RAB3GAP1: variants seen among roughly 807,000 people sequenced by gnomAD.
RAB3GAP1 encodes the protein rab3 GTPase-activating protein catalytic subunit.
In RAB3GAP1, 86 loss-of-function variants were observed where a neutral mutation model predicts 130.7. The observed-to-expected ratio is 0.66, with a 90% CI of 0.55 to 0.79. The LOEUF is 0.79. RAB3GAP1 is among the 30% of genes least tolerant of loss of function. RAB3GAP1 has a pLI of 0.00. For missense variants in RAB3GAP1, 1,029 were observed against 1,169.4 expected (o/e 0.88, Z 1.75); for synonymous variants, 367 against 401.7 (o/e 0.91, Z 1.03).
chr2:135,096,483 AAAAG>A (rs1473089748), intron 5 of RAB3GAP1, among the ~76,000 whole-genome samples: 3 of 152,228 alleles, frequency 2.0e-5, no homozygotes, highest in African/African-American at 7.2e-5. Flanking sequence ...AAACAACTAA[AAAAG>A]AAATGTAATA....
intron 7 of RAB3GAP1, among the ~76,000 whole-genome samples, chr2:135,116,210 A>T (rs557792289): frequency 1.3e-5 from 2 of 152,330 alleles, no homozygotes; most frequent in African/African-American, 4.8e-5. Context: ...CTTAAGTGAG[A>T]TAGTGGCAGC....
At chr2:135,087,588 G>C (rs756424524) in intron 3 of RAB3GAP1, among the ~76,000 whole-genome samples, 1 of 151,982 alleles carries the variant, frequency 6.6e-6, no homozygotes, top group Non-Finnish European at 1.5e-5. Context: ...TAGAGTTTTT[G>C]CTCATCTTTC....
At chr2:135,163,904 A>G (rs1287047013) in intron 22 of RAB3GAP1, among the ~76,000 whole-genome samples, 1 of 152,170 alleles carries the variant, frequency 6.6e-6, no homozygotes, top group Non-Finnish European at 1.5e-5. Flanking sequence ...TGTTAGGTGA[A>G]GTTTTCTCCC....
chr2:135,129,895 T>C, intron 11 of RAB3GAP1, 100 bp from the exon 12 acceptor site: 1 of 794,026 alleles, frequency 1.3e-6, no homozygotes, highest in Non-Finnish European at 2.1e-6. Flanking sequence ...TTCTACCATA[T>C]CTTAGTTAAT....
chr2:135,152,293 A>C (rs983572455), intron 18 of RAB3GAP1, among the ~76,000 whole-genome samples: 140 of 152,346 alleles, frequency 9.2e-4, no homozygotes, highest in African/African-American at 3.2e-3. Flanking sequence ...CTTGTGGTAC[A>C]TACCTTTAAC....
intron 5 of RAB3GAP1, among the ~76,000 whole-genome samples, chr2:135,098,642 A>G (rs1219688024): frequency 1.3e-5 from 2 of 152,182 alleles, no homozygotes; most frequent in Non-Finnish European, 2.9e-5. Context: ...GGCCTGTAAT[A>G]TTCTTTCCAA....
rs1257598911 is a variant in RAB3GAP1, at chr2:135,169,930, A to G, written c.*1149A>G. The G allele has an allele frequency of 6.4e-6, 2 of 312,728 alleles. No homozygotes were observed. Among genetic ancestry groups the G allele is most frequent in the African/African-American group, 2.2e-5 (1 of 45,630 alleles). 19.4% of individuals were successfully genotyped at this position (312,728 alleles called of 1,614,324 possible). On this transcript the variant is annotated 3_prime_UTR_variant, in exon 24 of 24. Transcript: ENST00000264158. ...ACTGAAGCATAAACCTTGCCTGTGT[A>G]ATTTTAAAAAATTAATAGAGCTGTG...
chr2:135,113,417 C>A, intron 6 of RAB3GAP1, 147 bp downstream of exon 6: 1 of 1,008,410 alleles, frequency 9.9e-7, no homozygotes, highest in Non-Finnish European at 1.5e-6. Context: ...CTTGAGGTTA[C>A]CTCTGTATCC....
At chr2:135,095,136 C>T (rs1690256000) in intron 5 of RAB3GAP1, among the ~76,000 whole-genome samples, 1 of 152,134 alleles carries the variant, frequency 6.6e-6, no homozygotes, top group East Asian at 1.9e-4. Context: ...GCAACCTCTG[C>T]CTCCCAGGTT....
intron 7 of RAB3GAP1, among the ~76,000 whole-genome samples, chr2:135,118,029 T>G (rs1183498083): frequency 6.6e-6 from 1 of 152,048 alleles, no homozygotes; most frequent in Non-Finnish European, 1.5e-5. Context: ...ATCTTTGTAT[T>G]TTTTGTAGAG....
rs1053181755 is a variant in RAB3GAP1, at chr2:135,130,601, A to C, written c.1116A>C (p.Ser372=). The C allele has an allele frequency of 6.2e-7, 1 of 1,613,890 alleles. No homozygotes were observed. The highest frequency in any genetic ancestry group is 2.2e-5 in the East Asian group (1 of 44,856). The change falls in exon 13 of 24, where the codon TCA becomes TCC. Residue 372 remains serine, a synonymous_variant. Transcript: ENST00000264158. The part of the protein sequence containing the change: ...HALSKLTEPA[S]VPIHKLSVSN... ...TGTCAAAATTGACAGAGCCGGCATC[A>C]GTTCCAATTCATAAATTATCAGTTT...
chr2:135,115,343 C>G lies in RAB3GAP1; in HGVS notation c.610C>G (p.His204Asp). The change falls in exon 7 of 24, where the codon CAC becomes GAC. Residue 204 changes from histidine (H) to aspartate (D), a missense_variant. Coordinates refer to ENST00000264158, the MANE Select transcript of RAB3GAP1 (RefSeq NM_012233.3). Reference protein sequence around the residue: ...HLRKVPNQYTHLSGLLDIFKS... With the variant: ...HLRKVPNQYTDLSGLLDIFKS... ...TAGAAAAGTGCCAAATCAGTACACT[C>G]ACTTATCAGGTCTGCTGGATATCTT... 1 of 1,613,716 alleles carries G rather than the reference C, an allele frequency of 6.2e-7. No individual in the cohort carries two copies. The highest frequency in any genetic ancestry group is 8.5e-7 in the Non-Finnish European group (1 of 1,179,696).
At chr2:135,100,039 G>A (rs1377849514) in intron 5 of RAB3GAP1, among the ~76,000 whole-genome samples, 1 of 152,072 alleles carries the variant, frequency 6.6e-6, no homozygotes, top group Non-Finnish European at 1.5e-5. Flanking sequence ...GTTTCTGGGT[G>A]TAGACTTATT....
intron 17 of RAB3GAP1, chr2:135,137,209 G>A (rs192742443): frequency 7.2e-6 from 3 of 414,908 alleles, no homozygotes; most frequent in East Asian, 7.2e-5. Context: ...TGATACCTAC[G>A]ATGGCTTTTT....
At chr2:135,112,205 A>T (rs1049040492) in intron 5 of RAB3GAP1, among the ~76,000 whole-genome samples, 2 of 152,180 alleles carry the variant, frequency 1.3e-5, no homozygotes, top group Non-Finnish European at 2.9e-5. Context: ...CTGTAATATG[A>T]TGATGAAACC....
intron 18 of RAB3GAP1, among the ~76,000 whole-genome samples, chr2:135,152,118 A>G (rs1692194648): frequency 6.6e-6 from 1 of 152,270 alleles, no homozygotes; most frequent in African/African-American, 2.4e-5. Flanking sequence ...TTAAGGAAAT[A>G]TGTAGTTATT....
intron 19 of RAB3GAP1, among the ~76,000 whole-genome samples, chr2:135,160,542 C>G (rs60684123): frequency 0.045 from 6,870 of 151,676 alleles, 534 homozygotes; most frequent in African/African-American, 0.16. Flanking sequence ...CAGTAGTGGC[C>G]ATGTGCCTGT....
intron 17 of RAB3GAP1, among the ~76,000 whole-genome samples, chr2:135,139,694 T>C (rs1337888643): frequency 6.6e-6 from 1 of 152,206 alleles, no homozygotes; most frequent in Non-Finnish European, 1.5e-5. Flanking sequence ...TAAAACTTTC[T>C]GTGAAGATGG....
intron 3 of RAB3GAP1, among the ~76,000 whole-genome samples, chr2:135,086,986 T>TG (rs1325274935): frequency 6.6e-6 from 1 of 152,164 alleles, no homozygotes; most frequent in Non-Finnish European, 1.5e-5. Context: ...CTTAACTGTG[T>TG]CTTTTGATAA....
Sources: allele counts gnomAD v4.1 joint callset (sites outside exome capture counted in the v4.1 genomes callset), GRCh38; gene constraint gnomAD v4.1.1; transcripts MANE v1.5; gene names NCBI Gene and HGNC (gene_info 2026-07-23, HGNC 2026-07-21).